Variants in PAM observed in about 807,000 individuals in gnomAD.
The protein encoded by PAM is peptidyl-glycine alpha-amidating monooxygenase.
PAM carries 72 observed loss-of-function variants against 122.1 expected under a neutral mutation model. The observed-to-expected ratio is 0.59, with a 90% CI of 0.49 to 0.72. The LOEUF is 0.72. Among genes scored for constraint, PAM ranks in the 30% least tolerant of loss-of-function variants. The probability of loss-of-function intolerance (pLI) is 0.00; values close to 1 mark genes in which losing one functional copy is unlikely to be tolerated. For missense variants in PAM, 1,106 were observed against 1,183.7 expected (o/e 0.93, Z 0.96); for synonymous variants, 389 against 404.4 (o/e 0.96, Z 0.46).
At position 102,974,131 on chromosome 5, in the gene PAM, T is replaced by C. The variant is rs1394598915; in HGVS notation, c.1178T>C (p.Leu393Pro). The stretch of plus-strand genomic sequence containing the variant: ...TTTTCCACAGGTGATTTCTATTCAC[T>C]ACTTTCCAAGCTGCTAGGAGAAAGG... ...EVLDQGDFYS[L>P]LSKLLGERED... The change falls in exon 15 of 26, where the codon CTA becomes CCA. Residue 393 changes from leucine (L) to proline (P), a missense_variant. Physicochemically the swap from Leu to Pro is moderately conservative, Grantham distance 98 (BLOSUM62 -3). This residue lies in a region of PAM where 670 missense variants were observed against 690.3 expected (regional missense o/e 0.97). Transcript: ENST00000438793. The C allele has an allele frequency of 1.2e-6, 2 of 1,612,796 alleles. No individual in the cohort carries two copies. Among genetic ancestry groups the C allele is most frequent in the Non-Finnish European group, 8.5e-7 (1 of 1,179,008 alleles).
intron 4 of PAM, among the ~76,000 whole-genome samples, chr5:102,905,561 G>A (rs1413898368): frequency 6.6e-6 from 1 of 151,742 alleles, no homozygotes; most frequent in South Asian, 2.1e-4. Flanking sequence ...AGAACTGCAT[G>A]AACAATTCAA....
At chr5:102,943,721 A>G (rs1366938237) in intron 7 of PAM, among the ~76,000 whole-genome samples, 1 of 151,992 alleles carries the variant, frequency 6.6e-6, no homozygotes, top group Non-Finnish European at 1.5e-5. Context: ...TTGAACTTAC[A>G]CTCTCTGAGT....
intron 1 of PAM, among the ~76,000 whole-genome samples, chr5:102,764,258 G>A (rs1188695245): frequency 6.6e-6 from 1 of 151,114 alleles, no homozygotes; most frequent in East Asian, 1.9e-4. Flanking sequence ...TAATCATTAA[G>A]TGTAACATAT....
intron 3 of PAM, among the ~76,000 whole-genome samples, chr5:102,880,855 ATAAAT>A (rs1054251716): frequency 1.3e-5 from 2 of 152,156 alleles, no homozygotes; most frequent in African/African-American, 4.8e-5. Context: ...CATCAACAAA[ATAAAT>A]TATTTCTTTG....
intron 21 of PAM, among the ~76,000 whole-genome samples, chr5:103,016,032 C>T (rs1374287951): frequency 6.6e-6 from 1 of 152,112 alleles, no homozygotes; most frequent in Admixed American, 6.6e-5. Context: ...ATTTGGTAGT[C>T]TTTTGCCATC....
chr5:102,835,128 A>T (rs1010259041), intron 1 of PAM, among the ~76,000 whole-genome samples: 1 of 152,130 alleles, frequency 6.6e-6, no homozygotes, highest in Non-Finnish European at 1.5e-5. Context: ...TGAATCTTGC[A>T]TGTATATAGC....
chr5:102,775,927 C>T (rs939011847), intron 1 of PAM, among the ~76,000 whole-genome samples: 11 of 152,170 alleles, frequency 7.2e-5, no homozygotes, highest in Admixed American at 2.0e-4. Flanking sequence ...CTGTCTTCCA[C>T]AATGGTTGAA....
chr5:102,921,331 G>C (rs1202619408), intron 5 of PAM, among the ~76,000 whole-genome samples: 1 of 151,602 alleles, frequency 6.6e-6, no homozygotes, highest in Non-Finnish European at 1.5e-5. Context: ...CCTTTTTTTT[G>C]GGAAGCCAAA....
At chr5:102,883,093 T>C (rs1028898171) in intron 3 of PAM, among the ~76,000 whole-genome samples, 2 of 151,820 alleles carry the variant, frequency 1.3e-5, no homozygotes, top group Non-Finnish European at 3.0e-5. Flanking sequence ...GTGTTTATAG[T>C]GGTACCATGC....
At chr5:102,780,843 T>C (rs1391582159) in intron 1 of PAM, among the ~76,000 whole-genome samples, 5 of 137,562 alleles carry the variant, frequency 3.6e-5, no homozygotes, top group Admixed American at 7.6e-5. Flanking sequence ...TTCTCTGTCT[T>C]TCTCTCTCTC....
intron 1 of PAM, among the ~76,000 whole-genome samples, chr5:102,853,849 G>A (rs1221039933): frequency 6.6e-6 from 1 of 152,226 alleles, no homozygotes; most frequent in Non-Finnish European, 1.5e-5. Flanking sequence ...TGAGCATTGT[G>A]CGATGTGAAA....
intron 1 of PAM, among the ~76,000 whole-genome samples, chr5:102,830,160 A>T (rs1048594683): frequency 6.6e-6 from 1 of 152,212 alleles, no homozygotes; most frequent in Non-Finnish European, 1.5e-5. Context: ...CCAATGTAAT[A>T]CCAGTTGTTA....
intron 5 of PAM, among the ~76,000 whole-genome samples, chr5:102,923,114 G>A (rs1748016911): frequency 6.6e-6 from 1 of 152,166 alleles, no homozygotes. Context: ...AGATCACTTT[G>A]CTAAGTATAA....
intron 4 of PAM, among the ~76,000 whole-genome samples, chr5:102,906,094 A>G (rs1162251196): frequency 6.6e-6 from 1 of 151,668 alleles, no homozygotes; most frequent in African/African-American, 2.4e-5. Flanking sequence ...CCAAGTACGC[A>G]TGTTTCCAAA....
intron 14 of PAM, among the ~76,000 whole-genome samples, chr5:102,961,723 T>G (rs1477939491): frequency 6.6e-6 from 1 of 151,906 alleles, no homozygotes; most frequent in Non-Finnish European, 1.5e-5. Flanking sequence ...ATCTATAGTT[T>G]TGTGTTAAGT....
chr5:102,883,881 T>C (rs1792124697), intron 3 of PAM, among the ~76,000 whole-genome samples: 1 of 151,924 alleles, frequency 6.6e-6, no homozygotes, highest in Non-Finnish European at 1.5e-5. Flanking sequence ...ATTTAAGATA[T>C]GTCCCTTCTA....
At chr5:102,880,362 A>G (rs2151115815) in intron 3 of PAM, among the ~76,000 whole-genome samples, 1 of 152,328 alleles carries the variant, frequency 6.6e-6, no homozygotes, top group African/African-American at 2.4e-5. Flanking sequence ...TAAAATTTAT[A>G]TTTGGGGAAG....
chr5:102,896,283 T>A (rs1796200826), intron 3 of PAM, among the ~76,000 whole-genome samples: 1 of 151,650 alleles, frequency 6.6e-6, no homozygotes, highest in Non-Finnish European at 1.5e-5. Flanking sequence ...GTGTTGAGAT[T>A]CTTCTCATCA....
intron 9 of PAM, 136 bp from the exon 10 acceptor site, chr5:102,949,401 T>C (rs1208542887): frequency 8.9e-6 from 6 of 675,332 alleles, no homozygotes; most frequent in Non-Finnish European, 1.3e-5. Context: ...AATAAGTGCT[T>C]AATATCTGTG....
Sources: allele counts gnomAD v4.1 joint callset (sites outside exome capture counted in the v4.1 genomes callset), GRCh38; gene constraint gnomAD v4.1.1; regional missense constraint gnomAD v4.1.1; transcripts MANE v1.5; gene names NCBI Gene and HGNC (gene_info 2026-07-23, HGNC 2026-07-21).